KIAA1549L: variants seen among roughly 807,000 people sequenced by gnomAD.
KIAA1549L encodes UPF0606 protein KIAA1549L.
KIAA1549L carries 88 observed loss-of-function variants against 160.7 expected under a neutral mutation model. The observed-to-expected ratio is 0.55, with a 90% CI of 0.46 to 0.65. The LOEUF is 0.65. Among genes scored for constraint, KIAA1549L ranks in the 30% least tolerant of loss-of-function variants. KIAA1549L has a pLI of 0.00. For missense variants in KIAA1549L, 2,258 were observed against 2,437.5 expected (o/e 0.93, Z 1.55); for synonymous variants, 950 against 976.7 (o/e 0.97, Z 0.51).
intron 20 of KIAA1549L, among the ~76,000 whole-genome samples, chr11:33,665,735 G>A (rs2133458711): frequency 6.6e-6 from 1 of 152,192 alleles, no homozygotes. Context: ...CCAGGAGTCT[G>A]TCTGTCCGCC....
intron 1 of KIAA1549L, among the ~76,000 whole-genome samples, chr11:33,418,162 C>T (rs1850926413): frequency 6.6e-6 from 1 of 152,204 alleles, no homozygotes; most frequent in African/African-American, 2.4e-5. Context: ...TTTGCTTTCT[C>T]AACTAGAATA....
At chr11:33,559,947 T>A (rs1289198613) in intron 7 of KIAA1549L, 36 bp downstream of exon 7, 45 of 1,597,926 alleles carry the variant, frequency 2.8e-5, no homozygotes, top group Non-Finnish European at 3.8e-5. Flanking sequence ...CCCCAGTGTT[T>A]CCCCTGTGGC....
intron 1 of KIAA1549L, among the ~76,000 whole-genome samples, chr11:33,496,258 C>T (rs1590288422): frequency 6.6e-6 from 1 of 152,174 alleles, no homozygotes; most frequent in African/African-American, 2.4e-5. Flanking sequence ...CCACCATGCC[C>T]AGCCACCACT....
At chr11:33,634,885 G>T (rs1851397307) in intron 16 of KIAA1549L, among the ~76,000 whole-genome samples, 1 of 152,174 alleles carries the variant, frequency 6.6e-6, no homozygotes, top group Non-Finnish European at 1.5e-5. Flanking sequence ...TAGCCCTGGA[G>T]TGATCGTAGA....
In KIAA1549L at chr11:33,542,573, C is replaced by T. The variant is rs1565175521; in HGVS notation, c.1010C>T (p.Ala337Val). Residue 337 changes from alanine (A) to valine (V), a missense_variant, in exon 2 of 21, where the codon GCA becomes GTA. Physicochemically the swap from Ala to Val is moderately conservative, Grantham distance 64 (BLOSUM62 0). Coordinates refer to ENST00000658780, the MANE Select transcript of KIAA1549L (RefSeq NM_012194.3). ...ELSPTEGPHS[A>V]GSSTPGFLSP... is the part of the protein sequence containing the mutation. ...TCCCCAACAGAGGGTCCCCATTCAG[C>T]AGGTTCATCCACACCTGGGTTTTTG... 1 of 1,613,964 alleles carries T rather than the reference C, an allele frequency of 6.2e-7. No homozygotes were observed. Among genetic ancestry groups the T allele is most frequent in the East Asian group, 2.2e-5 (1 of 44,876 alleles).
chr11:33,500,168 T>C (rs541311262), intron 1 of KIAA1549L, among the ~76,000 whole-genome samples: 84 of 152,344 alleles, frequency 5.5e-4, no homozygotes, highest in African/African-American at 1.9e-3. Context: ...TTAGACTGGC[T>C]TTTTCAGGGT....
At chr11:33,394,391 TAATAAATAAATAAATA>T (rs34927211) in intron 1 of KIAA1549L, among the ~76,000 whole-genome samples, 1 of 103,082 alleles carries the variant, frequency 9.7e-6, no homozygotes, top group Admixed American at 1.0e-4. Flanking sequence ...AACTCATAAA[TAATAAATAAATAAATA>T]AATAAATAAA....
chr11:33,669,872 A>ATCTT lies in KIAA1549L; in HGVS notation c.*1721_*1724dup, dbSNP rs1178686846. On this transcript the variant is annotated 3_prime_UTR_variant, in exon 21 of 21. Coordinates refer to ENST00000658780, the MANE Select transcript of KIAA1549L (RefSeq NM_012194.3). ...TAGTGTCCTTTTAGTATGCTGGTTG[A>ATCTT]TCTTTCATAGTGTTAGTGTTTTGTT... 6.6e-6 allele frequency: 1 copy of ATCTT among 152,190 alleles called. No homozygotes were observed. Among genetic ancestry groups the ATCTT allele is most frequent in the African/African-American group, 2.4e-5 (1 of 41,450 alleles). 9.4% of individuals were successfully genotyped at this position (152,190 alleles called of 1,614,324 possible).
At chr11:33,533,725 G>T in intron 1 of KIAA1549L, among the ~76,000 whole-genome samples, 1 of 152,180 alleles carries the variant, frequency 6.6e-6, no homozygotes, top group East Asian at 1.9e-4. Flanking sequence ...ATAGGGTTTT[G>T]TATGACTACC....
chr11:33,466,666 C>T lies in KIAA1549L; in HGVS notation c.239-75136C>T, dbSNP rs145080920. On this transcript the variant is annotated intron_variant, in intron 1 of 20. Transcript: ENST00000658780. ...TCATGCTACTGTAAAGACACATGCA[C>T]ACATATGCTTATTGCGACACTGTTC... is the stretch of plus-strand genomic sequence containing the variant. Among the ~76,000 whole-genome samples the T allele has an allele frequency of 2.9e-3, 446 of 152,224 alleles. 8 individuals are homozygous for T. The highest frequency in any genetic ancestry group is 0.026 in the Admixed American group (401 of 15,296).
intron 1 of KIAA1549L, among the ~76,000 whole-genome samples, chr11:33,485,553 A>T (rs1417722969): frequency 6.6e-6 from 1 of 152,224 alleles, no homozygotes; most frequent in Non-Finnish European, 1.5e-5. Flanking sequence ...TTTATGGTGT[A>T]CAATATGATG....
chr11:33,552,269 TAGTTG>T (rs1854488682), intron 6 of KIAA1549L, 28 bp downstream of exon 6: 1 of 1,584,932 alleles, frequency 6.3e-7, no homozygotes, highest in South Asian at 1.2e-5. Context: ...TCAGGCTGTG[TAGTTG>T]ACAGACAACC....
intron 1 of KIAA1549L, among the ~76,000 whole-genome samples, chr11:33,387,509 T>C (rs1850196833): frequency 6.6e-6 from 1 of 152,170 alleles, no homozygotes; most frequent in South Asian, 2.1e-4. Context: ...TTTCACCATG[T>C]TGGCCAGTCT....
intron 18 of KIAA1549L, among the ~76,000 whole-genome samples, chr11:33,658,144 A>T (rs994646422): frequency 9.9e-5 from 15 of 152,188 alleles, no homozygotes; most frequent in African/African-American, 3.6e-4. Flanking sequence ...ACTAAGTGGA[A>T]ATAGGATGTG....
chr11:33,465,499 C>T (rs1852038793), intron 1 of KIAA1549L, among the ~76,000 whole-genome samples: 1 of 152,172 alleles, frequency 6.6e-6, no homozygotes, highest in Non-Finnish European at 1.5e-5. Context: ...TTTACAGCCT[C>T]CTGTAGATCT....
chr11:33,549,755 A>G (rs1332182301), intron 4 of KIAA1549L, among the ~76,000 whole-genome samples: 1 of 152,096 alleles, frequency 6.6e-6, no homozygotes, highest in Non-Finnish European at 1.5e-5. Flanking sequence ...TATAATCCCA[A>G]CACTTTGGGA....
chr11:33,618,744 G>T (rs1025322928), intron 16 of KIAA1549L, 82 bp downstream of exon 16: 1 of 1,242,132 alleles, frequency 8.1e-7, no homozygotes, highest in Non-Finnish European at 1.1e-6. Flanking sequence ...CTGTGTTTTG[G>T]TTTACCACAT....
chr11:33,655,341 A>G (rs1852028568), intron 17 of KIAA1549L, among the ~76,000 whole-genome samples: 1 of 152,208 alleles, frequency 6.6e-6, no homozygotes, highest in Admixed American at 6.5e-5. Flanking sequence ...AGAGGTCCAG[A>G]AAGGTCACCT....
intron 1 of KIAA1549L, among the ~76,000 whole-genome samples, chr11:33,504,524 G>C (rs1343165349): frequency 6.6e-6 from 1 of 151,796 alleles, no homozygotes; most frequent in African/African-American, 2.4e-5. Flanking sequence ...CTGGAGCGTA[G>C]TGAGGTGATC....
Sources: gnomAD v4.1 joint callset for allele counts (sites outside exome capture counted in the v4.1 genomes callset) on GRCh38, gnomAD v4.1.1 for gene constraint, MANE v1.5 for transcripts, NCBI Gene and HGNC (gene_info 2026-07-23, HGNC 2026-07-21) for gene names.